Variants in HIVEP3 observed in about 807,000 individuals in gnomAD.
The protein encoded by HIVEP3 is HIVEP zinc finger 3.
HIVEP3 carries 49 observed loss-of-function variants against 152.8 expected under a neutral mutation model. The observed-to-expected ratio is 0.32, with a 90% CI of 0.26 to 0.41. HIVEP3 has a LOEUF of 0.41. HIVEP3 is among the 10% of genes least tolerant of loss of function. The pLI, the probability that HIVEP3 is intolerant of heterozygous loss-of-function variation, is 1.00. For missense variants in HIVEP3, 2,790 were observed against 3,103.3 expected, an observed-to-expected ratio of 0.90 and a Z score of 2.40; for synonymous variants, 1,269 against 1,289.0, an observed-to-expected ratio of 0.98 and a Z score of 0.33.
intron 3 of HIVEP3, among the ~76,000 whole-genome samples, chr1:41,585,536 G>T (rs1644492213): frequency 6.6e-6 from 1 of 152,122 alleles, no homozygotes; most frequent in Non-Finnish European, 1.5e-5. Context: ...TGTCAGTGTT[G>T]GGTGACCTGA....
intron 1 of HIVEP3, among the ~76,000 whole-genome samples, chr1:41,812,185 C>T (rs1288693893): frequency 6.6e-6 from 1 of 152,214 alleles, no homozygotes; most frequent in Non-Finnish European, 1.5e-5. Flanking sequence ...GGCAGTCCTT[C>T]CCTTTAAACA....
chr1:41,977,092 G>GA (rs1200595059), intron 1 of HIVEP3, among the ~76,000 whole-genome samples: 1 of 152,204 alleles, frequency 6.6e-6, no homozygotes, highest in Admixed American at 6.5e-5. Context: ...AACCAAAAGC[G>GA]AAAGGATGGA....
chr1:41,738,944 G>A (rs973634678), intron 1 of HIVEP3, among the ~76,000 whole-genome samples: 5 of 152,210 alleles, frequency 3.3e-5, no homozygotes, highest in Admixed American at 2.0e-4. Flanking sequence ...GAACCATGGC[G>A]CCATTAGACC....
chr1:41,746,302 C>T (rs1466068393), intron 1 of HIVEP3, among the ~76,000 whole-genome samples: 1 of 152,336 alleles, frequency 6.6e-6, no homozygotes, highest in Non-Finnish European at 1.5e-5. Flanking sequence ...TTTCCATCAA[C>T]CCCGTTTGCT....
intron 3 of HIVEP3, among the ~76,000 whole-genome samples, chr1:41,609,723 A>G (rs1004979250): frequency 6.6e-6 from 1 of 152,228 alleles, no homozygotes; most frequent in African/African-American, 2.4e-5. Context: ...GGAGCTGGAG[A>G]ATTCTCAGAA....
At chr1:41,635,349 A>T (rs1645252440) in intron 2 of HIVEP3, among the ~76,000 whole-genome samples, 1 of 152,104 alleles carries the variant, frequency 6.6e-6, no homozygotes, top group South Asian at 2.1e-4. Flanking sequence ...AAATTAAGAA[A>T]GGTTGAAACT....
intron 1 of HIVEP3, among the ~76,000 whole-genome samples, chr1:41,975,217 C>T (rs929413796): frequency 6.6e-6 from 1 of 152,168 alleles, no homozygotes; most frequent in African/African-American, 2.4e-5. Context: ...CAACTGCCCC[C>T]CTCTACCCAA....
intron 2 of HIVEP3, among the ~76,000 whole-genome samples, chr1:41,632,192 T>C (rs1645205150): frequency 6.6e-6 from 1 of 152,188 alleles, no homozygotes; most frequent in African/African-American, 2.4e-5. Context: ...ACCCCGAGTA[T>C]GGCCTGTCAC....
intron 2 of HIVEP3, among the ~76,000 whole-genome samples, chr1:41,696,933 C>T (rs1646286117): frequency 6.6e-6 from 1 of 152,062 alleles, no homozygotes; most frequent in Non-Finnish European, 1.5e-5. Context: ...GTTATATATT[C>T]CTATGAAATA....
At chr1:41,927,099 C>T (rs1404117026) in intron 1 of HIVEP3, among the ~76,000 whole-genome samples, 2 of 152,150 alleles carry the variant, frequency 1.3e-5, no homozygotes, top group Non-Finnish European at 2.9e-5. Flanking sequence ...TAAGAATTCC[C>T]TTCTAGGAAG....
At chr1:41,629,746 A>T (rs527769825) in intron 2 of HIVEP3, among the ~76,000 whole-genome samples, 1 of 152,308 alleles carries the variant, frequency 6.6e-6, no homozygotes, top group African/African-American at 2.4e-5. Flanking sequence ...ACCAGTCAGA[A>T]TGTCTATTAC....
chr1:41,695,206 T>A (rs1646255150), intron 2 of HIVEP3, among the ~76,000 whole-genome samples: 1 of 152,112 alleles, frequency 6.6e-6, no homozygotes, highest in African/African-American at 2.4e-5. Flanking sequence ...GGTGGTGGAC[T>A]CGCCATGGAG....
At chr1:41,712,938 G>C (rs1324232131) in intron 1 of HIVEP3, among the ~76,000 whole-genome samples, 1 of 152,188 alleles carries the variant, frequency 6.6e-6, no homozygotes, top group Admixed American at 6.5e-5. Flanking sequence ...TGACACAGCG[G>C]GGCAGGCTTG....
chr1:41,718,816 G>A (rs1357029819), intron 1 of HIVEP3, among the ~76,000 whole-genome samples: 10 of 150,358 alleles, frequency 6.7e-5, no homozygotes, highest in Admixed American at 5.9e-4. Context: ...ACACACACAC[G>A]TATGTGCTGT....
rs11586958 is a variant in HIVEP3, at chr1:41,508,493, C to G, written c.*1958G>C. On this transcript the variant is annotated 3_prime_UTR_variant, in exon 9 of 9. Transcript: ENST00000372583. ...GAAGCAGCCAGGAGCTGCTGGCTAA[C>G]CCTGATTCCCCAGAACCCTGGAGCA... 0.1 allele frequency: 15,275 copies of G among 152,266 alleles called. 1,060 individuals are homozygous for G. The highest frequency in any genetic ancestry group is 0.19 in the Middle Eastern group (57 of 294). The allele number at this position is 152,266 out of a possible 1,614,324, so 9.4% of individuals were successfully genotyped here. A position where few individuals can be genotyped will look rare whatever the true frequency, so the allele number is the denominator to read the frequency against.
intron 5 of HIVEP3, among the ~76,000 whole-genome samples, chr1:41,538,980 C>T (rs770548150): frequency 3.9e-5 from 6 of 152,198 alleles, no homozygotes; most frequent in African/African-American, 1.4e-4. Flanking sequence ...CCTCCTCCCC[C>T]ACCCACAGCA....
intron 1 of HIVEP3, among the ~76,000 whole-genome samples, chr1:41,924,403 G>A (rs1644957500): frequency 6.6e-6 from 1 of 152,114 alleles, no homozygotes; most frequent in South Asian, 2.1e-4. Flanking sequence ...CCACCATGAT[G>A]AGAAACATAG....
intron 1 of HIVEP3, among the ~76,000 whole-genome samples, chr1:42,027,947 G>A (rs976437917): frequency 2.6e-5 from 4 of 152,188 alleles, no homozygotes; most frequent in Non-Finnish European, 4.4e-5. Context: ...TACAATTCAA[G>A]TTGAGATTTG....
chr1:41,886,721 A>G (rs912001022), intron 1 of HIVEP3, among the ~76,000 whole-genome samples: 3 of 43,190 alleles, frequency 6.9e-5, no homozygotes, highest in African/African-American at 2.6e-4. Context: ...TCAAAAAAAA[A>G]AAAAAAAAAA....
Sources: allele counts gnomAD v4.1 joint callset (sites outside exome capture counted in the v4.1 genomes callset), GRCh38; gene constraint gnomAD v4.1.1; transcripts MANE v1.5; gene names NCBI Gene and HGNC (gene_info 2026-07-23, HGNC 2026-07-21).